SHISA6: variants seen among roughly 807,000 people sequenced by gnomAD.
SHISA6 encodes protein shisa-6.
Under a neutral mutation model 47.9 loss-of-function variants are expected in SHISA6, and 22 were observed. That is an observed-to-expected ratio of 0.46 (90% CI 0.33 to 0.66). The LOEUF (loss-of-function observed/expected upper bound fraction) is 0.66. Among genes scored for constraint, SHISA6 ranks in the 30% least tolerant of loss-of-function variants. The pLI is 0.02. For synonymous variants in SHISA6, 388 were observed against 337.8 expected, an observed-to-expected ratio of 1.15 and a Z score of -1.63; for missense variants, 680 against 764.6, an observed-to-expected ratio of 0.89 and a Z score of 1.30.
intron 3 of SHISA6, among the ~76,000 whole-genome samples, chr17:11,537,853 T>C (rs2071800673): frequency 6.6e-6 from 1 of 152,188 alleles, no homozygotes; most frequent in African/African-American, 2.4e-5. Flanking sequence ...TATAAATAGT[T>C]GAGGAAGAGA....
chr17:11,500,251 A>G (rs993315863), intron 3 of SHISA6, among the ~76,000 whole-genome samples: 2 of 152,166 alleles, frequency 1.3e-5, no homozygotes, highest in Admixed American at 1.3e-4. Context: ...CTTCTCACTT[A>G]CGGGAGGTGT....
At chr17:11,268,931 C>T (rs1686987685) in intron 2 of SHISA6, among the ~76,000 whole-genome samples, 1 of 152,182 alleles carries the variant, frequency 6.6e-6, no homozygotes, top group African/African-American at 2.4e-5. Flanking sequence ...TAGTAGCCCT[C>T]TCTGTAAAGT....
chr17:11,342,427 G>A (rs570408618), intron 2 of SHISA6, among the ~76,000 whole-genome samples: 23 of 152,072 alleles, frequency 1.5e-4, no homozygotes, highest in Admixed American at 1.4e-3. Context: ...GTGGAGATAT[G>A]GAGAGAAGGC....
At chr17:11,460,225 C>T (rs1915657975) in intron 3 of SHISA6, among the ~76,000 whole-genome samples, 1 of 152,174 alleles carries the variant, frequency 6.6e-6, no homozygotes, top group South Asian at 2.1e-4. Flanking sequence ...GGGATTTTGT[C>T]CAGATGCAGG....
chr17:11,292,735 C>T (rs1054794994), intron 2 of SHISA6, among the ~76,000 whole-genome samples: 3 of 151,474 alleles, frequency 2.0e-5, no homozygotes, highest in Non-Finnish European at 2.9e-5. Flanking sequence ...TGCGTCCTTC[C>T]GGTGGGATAC....
At chr17:11,281,191 TAATA>T (rs1567559512) in intron 2 of SHISA6, among the ~76,000 whole-genome samples, 1 of 152,194 alleles carries the variant, frequency 6.6e-6, no homozygotes, top group Non-Finnish European at 1.5e-5. Context: ...AGGATGTATA[TAATA>T]TATCATGTAT....
chr17:11,274,384 G>A (rs1242361616), intron 2 of SHISA6, among the ~76,000 whole-genome samples: 3 of 152,230 alleles, frequency 2.0e-5, no homozygotes, highest in Non-Finnish European at 4.4e-5. Context: ...TTACCTCCAT[G>A]AGTTGGCAAA....
At chr17:11,431,743 C>A (rs967030571) in intron 3 of SHISA6, among the ~76,000 whole-genome samples, 3 of 152,150 alleles carry the variant, frequency 2.0e-5, no homozygotes, top group Non-Finnish European at 4.4e-5. Flanking sequence ...CAAACACACC[C>A]GGGCATGGGG....
At chr17:11,553,447 A>C (rs2071948138) in intron 4 of SHISA6, among the ~76,000 whole-genome samples, 1 of 152,174 alleles carries the variant, frequency 6.6e-6, no homozygotes, top group Non-Finnish European at 1.5e-5. Flanking sequence ...AGGAGGAGCC[A>C]TTCTTCCCTC....
At chr17:11,413,679 C>T (rs544150283) in intron 3 of SHISA6, among the ~76,000 whole-genome samples, 2 of 152,262 alleles carry the variant, frequency 1.3e-5, no homozygotes, top group East Asian at 1.9e-4. Flanking sequence ...ACCCCACAGG[C>T]TCACTTGGGC....
intron 2 of SHISA6, among the ~76,000 whole-genome samples, chr17:11,326,874 A>G (rs1018486060): frequency 6.6e-6 from 1 of 152,208 alleles, no homozygotes; most frequent in African/African-American, 2.4e-5. Flanking sequence ...ATCAGCCTGC[A>G]TTATCTTACC....
intron 3 of SHISA6, among the ~76,000 whole-genome samples, chr17:11,511,914 G>T (rs1052500010): frequency 8.5e-5 from 13 of 152,238 alleles, no homozygotes; most frequent in Admixed American, 3.3e-4. Context: ...AAGCATGCAG[G>T]ACGGAGACCT....
At chr17:11,273,753 G>A (rs544630917) in intron 2 of SHISA6, among the ~76,000 whole-genome samples, 1 of 152,320 alleles carries the variant, frequency 6.6e-6, no homozygotes, top group African/African-American at 2.4e-5. Context: ...AGGGCTTGTC[G>A]ATGTCAGGGT....
At chr17:11,543,960 T>A (rs1006886797) in intron 3 of SHISA6, among the ~76,000 whole-genome samples, 3 of 145,796 alleles carry the variant, frequency 2.1e-5, no homozygotes, top group Admixed American at 6.8e-5. Context: ...GTCTCCTACC[T>A]CATATAAAAA....
chr17:11,403,756 T>C (rs1369094068), intron 3 of SHISA6, among the ~76,000 whole-genome samples: 1 of 152,250 alleles, frequency 6.6e-6, no homozygotes, highest in Non-Finnish European at 1.5e-5. Flanking sequence ...TTACATAGGA[T>C]ACTTTTAAAA....
chr17:11,474,170 C>T (rs535404086), intron 3 of SHISA6, among the ~76,000 whole-genome samples: 1 of 152,190 alleles, frequency 6.6e-6, no homozygotes, highest in South Asian at 2.1e-4. Flanking sequence ...TTAATTTACA[C>T]TCCCACCAAG....
chr17:11,259,114 G>A (rs28687992), intron 1 of SHISA6, among the ~76,000 whole-genome samples: 21,429 of 151,788 alleles, frequency 0.14, 2,364 homozygotes, highest in African/African-American at 0.31. Flanking sequence ...GGATAGATAG[G>A]AGGTGACTGG....
chr17:11,254,738 G>A (rs1344796498), intron 1 of SHISA6, among the ~76,000 whole-genome samples: 1 of 152,192 alleles, frequency 6.6e-6, no homozygotes, highest in African/African-American at 2.4e-5. Context: ...CAGAAGGAGT[G>A]TATCCTTTCT....
chr17:11,441,446 T>C (rs1389550652), intron 3 of SHISA6, among the ~76,000 whole-genome samples: 1 of 152,172 alleles, frequency 6.6e-6, no homozygotes. Context: ...GAATGAGCCA[T>C]CTCCATCAGG....
Sources: allele counts gnomAD v4.1 joint callset (sites outside exome capture counted in the v4.1 genomes callset), GRCh38; gene constraint gnomAD v4.1.1; transcripts MANE v1.5; gene names NCBI Gene and HGNC (gene_info 2026-07-23, HGNC 2026-07-21).